The following DPY19L3 variants were observed in gnomAD, a reference collection of about 807,000 sequenced individuals.
DPY19L3 encodes the protein protein C-mannosyl-transferase DPY19L3.
A neutral mutation model predicts 92.3 loss-of-function variants in DPY19L3; 51 were observed. The observed-to-expected ratio is 0.55, with a 90% CI of 0.44 to 0.70. The LOEUF (loss-of-function observed/expected upper bound fraction) is 0.70. DPY19L3 is among the 30% of genes least tolerant of loss of function. The pLI, the probability that DPY19L3 is intolerant of heterozygous loss-of-function variation, is 0.00. For missense variants in DPY19L3, 706 were observed against 855.9 expected (o/e 0.82, Z 2.18); for synonymous variants, 309 against 315.2 (o/e 0.98, Z 0.21).
intron 3 of DPY19L3, among the ~76,000 whole-genome samples, chr19:32,422,170 C>T (rs1015156411): frequency 6.6e-6 from 1 of 152,158 alleles, no homozygotes; most frequent in South Asian, 2.1e-4. Context: ...AAGAGAACAA[C>T]AAGCAGACAT....
intron 8 of DPY19L3, among the ~76,000 whole-genome samples, chr19:32,450,896 A>G (rs1288067639): frequency 6.6e-6 from 1 of 152,194 alleles, no homozygotes; most frequent in Non-Finnish European, 1.5e-5. Context: ...TAAGAAGGAA[A>G]AACTCTTCCT....
At chr19:32,409,196 T>C (rs1054786310) in intron 2 of DPY19L3, among the ~76,000 whole-genome samples, 11 of 152,322 alleles carry the variant, frequency 7.2e-5, no homozygotes, top group African/African-American at 2.2e-4. Flanking sequence ...AAAAGAAATA[T>C]ACTCCCATCC....
chr19:32,417,629 G>T (rs1322652421), intron 3 of DPY19L3, among the ~76,000 whole-genome samples: 1 of 152,148 alleles, frequency 6.6e-6, no homozygotes, highest in Non-Finnish European at 1.5e-5. Flanking sequence ...AGATCTGATG[G>T]TTTTATAGAG....
rs900054265 is a variant in DPY19L3, at chr19:32,484,669, C to T, written c.*2429C>T. On this transcript the variant is annotated 3_prime_UTR_variant, in exon 19 of 19. Transcript: ENST00000392250. ...TGCCACAGCACAGCTGGAGGCTGTT[C>T]TCTGGTGTTCTCAGCGCTCCGGCTC... is the stretch of plus-strand genomic sequence containing the variant. The T allele has an allele frequency of 6.6e-6, 1 of 152,218 alleles. No individual in the cohort carries two copies. The highest frequency in any genetic ancestry group is 1.5e-5 in the Non-Finnish European group (1 of 68,056). 9.4% of individuals were successfully genotyped at this position (152,218 alleles called of 1,614,324 possible).
rs1339611076 is a variant in DPY19L3, at chr19:32,485,816, T to C, written c.*3576T>C. On this transcript the variant is annotated 3_prime_UTR_variant, in exon 19 of 19. Coordinates refer to ENST00000392250, the MANE Select transcript of DPY19L3 (RefSeq NM_001172774.2). Reference sequence around the variant, plus strand: ...TTTTAACACCCTTTGGGTAAAATCTTGCAAAGAGCTTTTATAATTTGTTTT... The same window carrying C: ...TTTTAACACCCTTTGGGTAAAATCTCGCAAAGAGCTTTTATAATTTGTTTT... 6.6e-6 allele frequency: 1 copy of C among 152,238 alleles called. No individual in the cohort carries two copies. Among genetic ancestry groups the C allele is most frequent in the Non-Finnish European group, 1.5e-5 (1 of 68,042 alleles). The allele number at this position is 152,238 out of a possible 1,614,324, so 9.4% of individuals were successfully genotyped here.
intron 3 of DPY19L3, among the ~76,000 whole-genome samples, chr19:32,418,470 G>A (rs577752761): frequency 6.6e-6 from 1 of 152,152 alleles, no homozygotes; most frequent in Admixed American, 6.6e-5. Flanking sequence ...AAATGGGGTA[G>A]TACACTCGGG....
intron 3 of DPY19L3, among the ~76,000 whole-genome samples, chr19:32,422,661 C>CACAT (rs879279146): frequency 6.6e-6 from 1 of 151,084 alleles, no homozygotes; most frequent in Non-Finnish European, 1.5e-5. Flanking sequence ...CACACACACA[C>CACAT]GTTTAAAGAT....
At position 32,439,106 on chromosome 19, in the gene DPY19L3, G is replaced by T. The variant is rs1289635956; in HGVS notation, c.597-6G>T. On this transcript the variant is annotated splice_polypyrimidine_tract_variant and splice_region_variant and intron_variant, in intron 6 of 18. Coordinates refer to ENST00000392250, the MANE Select transcript of DPY19L3 (RefSeq NM_001172774.2). The stretch of plus-strand genomic sequence containing the variant: ...ACTTTGGCCATTTGTGTTTTCTTTT[G>T]TGCAGAATAGATACCACAAGAGTTG... The T allele has an allele frequency of 6.2e-7, 1 of 1,604,740 alleles. No individual in the cohort carries two copies. The highest frequency in any genetic ancestry group is 8.5e-7 in the Non-Finnish European group (1 of 1,176,210).
intron 15 of DPY19L3, 146 bp from the exon 16 acceptor site, chr19:32,468,585 A>G (rs1251321387): frequency 7.4e-7 from 1 of 1,344,270 alleles, no homozygotes; most frequent in Admixed American, 3.4e-5. Context: ...GGGTTGCTGC[A>G]GAGGTGAAAT....
intron 8 of DPY19L3, among the ~76,000 whole-genome samples, chr19:32,449,236 C>T (rs1044348352): frequency 6.6e-6 from 1 of 152,158 alleles, no homozygotes; most frequent in East Asian, 1.9e-4. Flanking sequence ...TGACAATTTA[C>T]GCTTTACAAA....
chr19:32,406,995 C>T (rs1328383249), intron 1 of DPY19L3, among the ~76,000 whole-genome samples: 1 of 144,084 alleles, frequency 6.9e-6, no homozygotes. Flanking sequence ...TTAAATCTGG[C>T]TTCCTGCTTT....
At chr19:32,457,958 AACT>A (rs1265440153) in intron 10 of DPY19L3, 139 bp from the exon 11 acceptor site, 3 of 640,144 alleles carry the variant, frequency 4.7e-6, no homozygotes, top group Non-Finnish European at 2.7e-6. Flanking sequence ...CAGTTCTGAG[AACT>A]ACTGTGAACA....
rs1308640764 is a variant in DPY19L3 at position 32,411,326 on chromosome 19, A to G, written c.191A>G (p.Tyr64Cys). ...TGCATTGGACTTCTTACATCTGTCTACCTTGCCACGTTACATGAAAATGAT... is the reference window on the plus strand; with the variant it reads ...TGCATTGGACTTCTTACATCTGTCTGCCTTGCCACGTTACATGAAAATGAT... ...ALCIGLLTSV[Y>C]LATLHENDLW... Residue 64 changes from tyrosine to cysteine, a missense_variant, in exon 3 of 19, where the codon TAC becomes TGC. Transcript: ENST00000392250. 9.9e-6 allele frequency: 16 copies of G among 1,613,946 alleles called. No homozygotes were observed. The highest frequency in any genetic ancestry group is 1.3e-5 in the Non-Finnish European group (15 of 1,179,998).
rs1369322504 is a variant in DPY19L3 at position 32,437,356 on chromosome 19, A to G, written c.596+17A>G. On this transcript the variant is annotated intron_variant, in intron 6 of 18. Transcript: ENST00000392250. ...CACAAATAGGTGAGTTGGAGTCAGT[A>G]TGCTTCTTTTTTTTCCAAAATGTAA... 3.2e-6 allele frequency: 5 copies of G among 1,586,500 alleles called. No individual in the cohort carries two copies. The highest frequency in any genetic ancestry group is 4.3e-6 in the Non-Finnish European group (5 of 1,167,462).
At chr19:32,447,816 T>TAGATTAGATAGA (rs1555721982) in intron 8 of DPY19L3, among the ~76,000 whole-genome samples, 11,751 of 89,582 alleles carry the variant, frequency 0.13, 516 homozygotes, top group East Asian at 0.17. Context: ...GATAGATAGA[T>TAGATTAGATAGA]TAGATAGATA....
At chr19:32,476,536 A>AG (rs1162739825) in intron 16 of DPY19L3, among the ~76,000 whole-genome samples, 1 of 151,400 alleles carries the variant, frequency 6.6e-6, no homozygotes, top group Non-Finnish European at 1.5e-5. Flanking sequence ...TCCAAAAAAA[A>AG]AAAAAAAAAA....
In DPY19L3 at chr19:32,437,258, C is replaced by T; in HGVS notation, c.515C>T (p.Thr172Ile). The T allele has an allele frequency of 6.2e-7, 1 of 1,614,124 alleles. No homozygotes were observed. Among genetic ancestry groups the T allele is most frequent in the Non-Finnish European group, 8.5e-7 (1 of 1,180,012 alleles). The change falls in exon 6 of 19, where the codon ACA becomes ATA. Residue 172 changes from threonine to isoleucine, a missense_variant. Coordinates refer to ENST00000392250, the MANE Select transcript of DPY19L3 (RefSeq NM_001172774.2). The part of the protein sequence containing the change: ...TLFGLQAIYV[T>I]ALYITSWLLS... Reference sequence around the variant, plus strand: ...TTTGGGCTCCAGGCGATCTATGTCACAGCTCTCTACATAACCAGCTGGCTA... The same window carrying T: ...TTTGGGCTCCAGGCGATCTATGTCATAGCTCTCTACATAACCAGCTGGCTA...
rs1488886020 is a variant in DPY19L3, at chr19:32,454,958, G to A, written c.1007G>A (p.Ser336Asn). ...RKLQKNLKTG[S>N]FLNRLGKLLL... ...TTCTAGAAAAATCTGAAAACTGGAA[G>A]CTTCCTTAATAGGCTTGGGAAACTT... The change falls in exon 10 of 19, where the codon AGC becomes AAC. Residue 336 changes from serine (S) to asparagine (N), a missense_variant. By Grantham distance (46) the Ser-to-Asn change is conservative. Transcript: ENST00000392250. The A allele has an allele frequency of 2.6e-6, 4 of 1,563,394 alleles. No homozygotes were observed. The highest frequency in any genetic ancestry group is 4.6e-5 in the East Asian group (2 of 43,186).
intron 1 of DPY19L3, among the ~76,000 whole-genome samples, chr19:32,407,203 C>T (rs958387014): frequency 7.9e-5 from 12 of 151,484 alleles, no homozygotes; most frequent in Admixed American, 4.6e-4. Context: ...GACTGGAACC[C>T]GCTTACTCAC....
Sources: allele counts gnomAD v4.1 joint callset (sites outside exome capture counted in the v4.1 genomes callset), GRCh38; gene constraint gnomAD v4.1.1; transcripts MANE v1.5; gene names NCBI Gene and HGNC (gene_info 2026-07-23, HGNC 2026-07-21).